URM1: variants seen among roughly 807,000 people sequenced by gnomAD.
URM1 encodes the protein ubiquitin-related modifier 1.
URM1 carries 11 observed loss-of-function variants against 17.7 expected under a neutral mutation model. The observed-to-expected ratio is 0.62, with a 90% CI of 0.39 to 1.03. The LOEUF (loss-of-function observed/expected upper bound fraction) is 1.03. Among genes scored for constraint, URM1 ranks in the 50% least tolerant of loss-of-function variants. The pLI, the probability that URM1 is intolerant of heterozygous loss-of-function variation, is 0.00. For synonymous variants in URM1, 48 were observed against 50.6 expected (o/e 0.95, Z 0.22); for missense variants, 128 against 129.2 (o/e 0.99, Z 0.04).
At chr9:128,386,793 C>T (rs1457263818) in intron 2 of URM1, among the ~76,000 whole-genome samples, 3 of 152,228 alleles carry the variant, frequency 2.0e-5, no homozygotes, top group East Asian at 3.8e-4. Flanking sequence ...GGCATTAGTC[C>T]AGGACAGCAG....
At chr9:128,377,944 T>G in intron 1 of URM1, 92 bp from the exon 2 acceptor site, 1 of 1,378,854 alleles carries the variant, frequency 7.3e-7, no homozygotes, top group Non-Finnish European at 1.0e-6. Flanking sequence ...CGGCCTTCAT[T>G]ACCAGCCCTA....
At chr9:128,375,095 G>A (rs1297888457) in intron 1 of URM1, among the ~76,000 whole-genome samples, 1 of 152,196 alleles carries the variant, frequency 6.6e-6, no homozygotes, top group Non-Finnish European at 1.5e-5. Context: ...ACCTCTCTAG[G>A]CTTGAGTCTG....
rs753097631 is a variant in URM1 at position 128,389,678 on chromosome 9, T to C, written c.250T>C (p.Tyr84His). ...ADWELLGELD[Y>H]QLQDQDSVLF... ...TCTCCCGCACCAGGGTGAGCTGGACTACCAGCTTCAGGACCAGGACAGCGT... is the reference window on the plus strand; with the variant it reads ...TCTCCCGCACCAGGGTGAGCTGGACCACCAGCTTCAGGACCAGGACAGCGT... The change falls in exon 5 of 5, where the codon TAC becomes CAC. Residue 84 changes from tyrosine to histidine, a missense_variant. Tyr to His is a moderately conservative substitution (Grantham distance 83). Transcript: ENST00000372853. 28 of 1,613,390 alleles carry C rather than the reference T, an allele frequency of 1.7e-5. No individual in the cohort carries two copies. The highest frequency in any genetic ancestry group is 2.2e-5 in the Non-Finnish European group (26 of 1,179,984).
At chr9:128,371,598 C>T (rs1379163436) in intron 1 of URM1, among the ~76,000 whole-genome samples, 183 bp downstream of exon 1, 2 of 152,194 alleles carry the variant, frequency 1.3e-5, no homozygotes, top group South Asian at 2.1e-4. Context: ...GGCCGTCTGT[C>T]CGGAAATAGA....
chr9:128,379,844 G>A (rs2131293871), intron 2 of URM1, among the ~76,000 whole-genome samples: 1 of 152,180 alleles, frequency 6.6e-6, no homozygotes, highest in South Asian at 2.1e-4. Flanking sequence ...CAGGCACAGT[G>A]GCTCATGCCT....
intron 2 of URM1, among the ~76,000 whole-genome samples, chr9:128,382,684 T>G (rs899467800): frequency 4.6e-5 from 7 of 152,066 alleles, no homozygotes; most frequent in Admixed American, 2.6e-4. Flanking sequence ...AGATGGGAGG[T>G]TGGGCTCGCT....
chr9:128,378,105 CTG>C lies in URM1; in HGVS notation c.106+2_106+3del, dbSNP rs1189771536. ...TCACTTTGCCTGGACAGGAGGAACCCTGTGAGTATTGGCTTTCTGAACCCCTC... is the reference window on the plus strand; with the variant it reads ...TCACTTTGCCTGGACAGGAGGAACCCTGAGTATTGGCTTTCTGAACCCCTC... On this transcript the variant is annotated splice_donor_variant and coding_sequence_variant, in exon 2 of 5. Transcript: ENST00000372853. LOFTEE classifies it high-confidence loss of function. 6.2e-7 allele frequency: 1 copy of C among 1,604,062 alleles called. No individual in the cohort carries two copies. Among genetic ancestry groups the C allele is most frequent in the South Asian group, 1.1e-5 (1 of 89,542 alleles).
At chr9:128,383,076 C>T (rs962830878) in intron 2 of URM1, among the ~76,000 whole-genome samples, 12 of 152,092 alleles carry the variant, frequency 7.9e-5, no homozygotes, top group African/African-American at 1.7e-4. Flanking sequence ...AGCTCCTGGG[C>T]GCTTTAAACT....
chr9:128,388,909 A>G (rs1285876201), intron 3 of URM1: 2 of 1,075,778 alleles, frequency 1.9e-6, no homozygotes, highest in Non-Finnish European at 2.3e-6. Flanking sequence ...CACTCCACAC[A>G]TATCAGCTCA....
chr9:128,391,436 T>TCG lies in URM1; in HGVS notation c.*1703_*1704insGC, dbSNP rs1426846088. 1 of 152,152 alleles carries TCG rather than the reference T, an allele frequency of 6.6e-6. No individual in the cohort carries two copies. The highest frequency in any genetic ancestry group is 1.5e-5 in the Non-Finnish European group (1 of 68,188). 9.4% of individuals were successfully genotyped at this position (152,152 alleles called of 1,614,324 possible). Reference sequence around the variant, plus strand: ...GTGCAAATTAAGGCCAGTGTTGGGGTCTGAGTGCTGTCCAGAAAGGCTGTG... The same window carrying TCG: ...GTGCAAATTAAGGCCAGTGTTGGGGTCGCTGAGTGCTGTCCAGAAAGGCTGTG... On this transcript the variant is annotated 3_prime_UTR_variant, in exon 5 of 5. Transcript: ENST00000372853.
chr9:128,381,150 T>C (rs1833155201), intron 2 of URM1, among the ~76,000 whole-genome samples: 1 of 152,172 alleles, frequency 6.6e-6, no homozygotes, highest in Non-Finnish European at 1.5e-5. Context: ...TTTCATGTAG[T>C]TGGCAAATCT....
In URM1 at chr9:128,372,695, C is replaced by G. The variant is rs137994689; in HGVS notation, c.35+1280C>G. Among the ~76,000 whole-genome samples, 3 of 152,276 alleles carry G rather than the reference C, an allele frequency of 2.0e-5. No homozygotes were observed. In the East Asian group the frequency reaches 5.8e-4, roughly 29 times the overall value. On this transcript the variant is annotated intron_variant, in intron 1 of 4. Transcript: ENST00000372853. ...TGACCCTTGGCCCAGCTACACTCCC[C>G]AAAGCCTGGGATTCTAGGAGGATCC...
At chr9:128,384,410 C>G (rs544786264) in intron 2 of URM1, among the ~76,000 whole-genome samples, 12 of 152,202 alleles carry the variant, frequency 7.9e-5, no homozygotes, top group Admixed American at 7.9e-4. Context: ...TGGCCAACCC[C>G]AACATCTTGT....
chr9:128,374,220 C>T (rs866180257), intron 1 of URM1, among the ~76,000 whole-genome samples: 1 of 152,182 alleles, frequency 6.6e-6, no homozygotes, highest in African/African-American at 2.4e-5. Context: ...GAAATGCCAA[C>T]CCCTCCCTTG....
intron 3 of URM1, chr9:128,388,386 A>T: frequency 2.0e-6 from 2 of 987,140 alleles, no homozygotes; most frequent in Non-Finnish European, 2.4e-6. Flanking sequence ...GCACATGCAC[A>T]CACACTCACT....
At chr9:128,371,854 T>G (rs564475685) in intron 1 of URM1, among the ~76,000 whole-genome samples, 5 of 152,314 alleles carry the variant, frequency 3.3e-5, no homozygotes, top group African/African-American at 1.2e-4. Flanking sequence ...TCTCGTGGGA[T>G]GTAGTGGCCA....
chr9:128,375,742 TA>T (rs1161705800), intron 1 of URM1, among the ~76,000 whole-genome samples: 4 of 151,912 alleles, frequency 2.6e-5, no homozygotes, highest in African/African-American at 9.7e-5. Context: ...GTAGTTTTTG[TA>T]GACACAAGGT....
Position 128,372,592 on chromosome 9 carries a change from C to T in URM1, c.35+1177C>T, listed in dbSNP as rs1298319861. ...GGGGGGTAAGTCTCATGACTAAGTG[C>T]ATTTTAATTGATATTGTCTGGCTGC... On this transcript the variant is annotated intron_variant, in intron 1 of 4. Transcript: ENST00000372853. Among the ~76,000 whole-genome samples, 4 of 152,202 alleles carry T rather than the reference C, an allele frequency of 2.6e-5. No individual in the cohort carries two copies. The East Asian group carries it at 5.8e-4, about 22-fold the overall frequency.
chr9:128,388,912 T>C (rs1448535549), intron 3 of URM1: 50 of 1,084,926 alleles, frequency 4.6e-5, no homozygotes, highest in Non-Finnish European at 5.5e-5. Flanking sequence ...TCCACACATA[T>C]CAGCTCATTT....
Sources: allele counts gnomAD v4.1 joint callset (sites outside exome capture counted in the v4.1 genomes callset), GRCh38; gene constraint gnomAD v4.1.1; transcripts MANE v1.5; gene names NCBI Gene and HGNC (gene_info 2026-07-23, HGNC 2026-07-21).